BPIFC: variants seen among roughly 807,000 people sequenced by gnomAD.
BPIFC encodes the protein BPI fold containing family C.
BPIFC carries 60 observed loss-of-function variants against 57.6 expected under a neutral mutation model. The observed-to-expected ratio is 1.04, with a 90% CI of 0.85 to 1.29. BPIFC has a LOEUF of 1.29. Ranked by LOEUF, BPIFC falls within the 50% of genes most tolerant of loss-of-function variation. The pLI, the probability that BPIFC is intolerant of heterozygous loss-of-function variation, is 0.00. For missense variants in BPIFC, 581 were observed against 600.5 expected, an observed-to-expected ratio of 0.97 and a Z score of 0.34; for synonymous variants, 243 against 224.5, an observed-to-expected ratio of 1.08 and a Z score of -0.74.
intron 8 of BPIFC, among the ~76,000 whole-genome samples, chr22:32,442,351 G>A (rs1934587764): frequency 6.6e-6 from 1 of 152,188 alleles, no homozygotes; most frequent in South Asian, 2.1e-4. Flanking sequence ...ACCTGGTCAA[G>A]ATCAGTGTTA....
chr22:32,456,226 C>T (rs1425830973), intron 3 of BPIFC, among the ~76,000 whole-genome samples: 1 of 152,274 alleles, frequency 6.6e-6, no homozygotes, highest in Non-Finnish European at 1.5e-5. Flanking sequence ...ACAAGATACA[C>T]ACACATGCAT....
Position 32,419,375 on chromosome 22 carries a change from C to T in BPIFC, c.1247G>A (p.Arg416His), listed in dbSNP as rs1216192317. 3.1e-6 allele frequency: 5 copies of T among 1,613,614 alleles called. No homozygotes were observed. Among genetic ancestry groups the T allele is most frequent in the Admixed American group, 1.7e-5 (1 of 59,982 alleles). The stretch of plus-strand genomic sequence containing the variant: ...TCAGATTCCTACCTCAATGTTGCTG[C>T]GATTGGACTCTGGCAAAGCAAGGCG... Reference protein sequence around the residue: ...RFRLALPESNRSNIEVLRFEN... With the variant: ...RFRLALPESNHSNIEVLRFEN... The change falls in exon 14 of 17, where the codon CGC (arginine) becomes CAC (histidine). Residue 416 changes from arginine to histidine, a missense_variant. By Grantham distance (29) the Arg-to-His change is conservative. Transcript: ENST00000300399.
chr22:32,453,977 G>T (rs1013840704), intron 3 of BPIFC, among the ~76,000 whole-genome samples: 4 of 152,074 alleles, frequency 2.6e-5, no homozygotes, highest in African/African-American at 9.7e-5. Flanking sequence ...TGGGCATAAT[G>T]GTGCATGTCT....
Position 32,437,824 on chromosome 22 carries a change from A to G in BPIFC, c.683T>C (p.Leu228Pro). 6.2e-7 allele frequency: 1 copy of G among 1,612,158 alleles called. No homozygotes were observed. Among genetic ancestry groups the G allele is most frequent in the Non-Finnish European group, 8.5e-7 (1 of 1,178,342 alleles). ...AGAACTGATTAGGGAGTAATCCAGC[A>G]GAGTGTAGTTGTCAATCTTGGTTAA... ...EVLTKIDNYT[L>P]LDYSLISSPE... Residue 228 changes from leucine (L) to proline (P), a missense_variant, in exon 9 of 17, where the codon CTG (leucine) becomes CCG (proline). Physicochemically the swap from Leu to Pro is moderately conservative, Grantham distance 98 (BLOSUM62 -3). Coordinates refer to ENST00000300399, the MANE Select transcript of BPIFC (RefSeq NM_174932.3).
chr22:32,431,439 A>ATTTATTTATTTTATTT, intron 12 of BPIFC, 25 bp from the exon 13 acceptor site: 6 of 1,343,072 alleles, frequency 4.5e-6, no homozygotes, highest in Admixed American at 1.8e-5. Context: ...AGCATTTATT[A>ATTTATTTATTTTATTT]TTAAGACGAG....
intron 8 of BPIFC, among the ~76,000 whole-genome samples, chr22:32,441,043 A>T (rs1934551816): frequency 6.6e-6 from 1 of 152,078 alleles, no homozygotes; most frequent in Admixed American, 6.6e-5. Flanking sequence ...CCTGAAGATC[A>T]AACCATCCCC....
chr22:32,444,759 A>G (rs1275897495), intron 7 of BPIFC, among the ~76,000 whole-genome samples: 1 of 152,198 alleles, frequency 6.6e-6, no homozygotes, highest in African/African-American at 2.4e-5. Context: ...CTATATGTTA[A>G]GATCTAGTTC....
chr22:32,435,948 A>G (rs2145934942), intron 9 of BPIFC, 68 bp from the exon 10 acceptor site: 1 of 1,506,090 alleles, frequency 6.6e-7, no homozygotes, highest in Non-Finnish European at 9.0e-7. Context: ...GACTAAGAAG[A>G]TGGACCCTCT....
rs1393166326 is a variant in BPIFC at position 32,453,492 on chromosome 22, C to T, written c.136G>A (p.Gly46Arg). ...QRALDYGVQAGMKMIEQMLKE... is the reference protein window; with the variant it reads ...QRALDYGVQARMKMIEQMLKE... ...AGCATTTGCTCAATCATCTTCATTC[C>T]AGCTTGAACACCTGTGAAGGAAACA... The change falls in exon 4 of 17, where the codon GGA becomes AGA. Residue 46 changes from glycine (G) to arginine (R), a missense_variant. Transcript: ENST00000300399. 6.3e-7 allele frequency: 1 copy of T among 1,595,538 alleles called. No homozygotes were observed. The highest frequency in any genetic ancestry group is 8.5e-7 in the Non-Finnish European group (1 of 1,174,030).
At chr22:32,427,847 C>T (rs1333906819) in intron 13 of BPIFC, among the ~76,000 whole-genome samples, 3 of 152,156 alleles carry the variant, frequency 2.0e-5, no homozygotes, top group East Asian at 1.9e-4. Flanking sequence ...ATTAGCTGGG[C>T]GTGGTGGCGT....
At chr22:32,447,378 C>T (rs768065196) in intron 4 of BPIFC, 38 bp from the exon 5 acceptor site, 2 of 1,595,564 alleles carry the variant, frequency 1.3e-6, no homozygotes, top group Admixed American at 1.7e-5. Flanking sequence ...GCGACTCTTC[C>T]AGCACATCTC....
chr22:32,431,843 G>A (rs1316398516), intron 12 of BPIFC, among the ~76,000 whole-genome samples: 4 of 152,088 alleles, frequency 2.6e-5, no homozygotes, highest in African/African-American at 9.7e-5. Flanking sequence ...GTAGGTGGTG[G>A]GAAGAGCGTG....
chr22:32,431,117 C>T (rs1934225817), intron 13 of BPIFC, among the ~76,000 whole-genome samples: 1 of 145,322 alleles, frequency 6.9e-6, no homozygotes, highest in South Asian at 2.2e-4. Context: ...GGTTAACGTC[C>T]CTTTTTTTTT....
chr22:32,439,320 C>T (rs966979827), intron 8 of BPIFC, among the ~76,000 whole-genome samples: 7 of 145,260 alleles, frequency 4.8e-5, no homozygotes, highest in Admixed American at 1.3e-4. Flanking sequence ...AGCGAAACTC[C>T]GTCTAAAAAA....
chr22:32,419,457 A>G (rs1171613376), intron 13 of BPIFC, 53 bp from the exon 14 acceptor site: 1 of 1,477,418 alleles, frequency 6.8e-7, no homozygotes, highest in Non-Finnish European at 9.4e-7. Context: ...GCCTTAGTAG[A>G]AAGAAACCAA....
At chr22:32,420,317 C>CA (rs1051940782) in intron 13 of BPIFC, among the ~76,000 whole-genome samples, 9,048 of 85,294 alleles carry the variant, frequency 0.11, 690 homozygotes, top group East Asian at 0.5. Context: ...GACTCCGTCT[C>CA]AAAAAAAAAA....
intron 14 of BPIFC, among the ~76,000 whole-genome samples, 180 bp downstream of exon 14, chr22:32,419,182 C>T (rs547301539): frequency 2.6e-4 from 39 of 152,206 alleles, no homozygotes; most frequent in African/African-American, 9.2e-4. Context: ...GAGTTCCTCT[C>T]GTGAATGGTT....
chr22:32,451,930 G>T (rs1934906140), intron 4 of BPIFC, among the ~76,000 whole-genome samples: 2 of 152,028 alleles, frequency 1.3e-5, no homozygotes, highest in South Asian at 2.1e-4. Flanking sequence ...TTGAGACAGG[G>T]TCTCACTTTG....
In BPIFC at chr22:32,453,410, A is replaced by C; in HGVS notation, c.218T>G (p.Val73Gly). The C allele has an allele frequency of 6.3e-7, 1 of 1,593,310 alleles. No individual in the cohort carries two copies. The highest frequency in any genetic ancestry group is 8.5e-7 in the Non-Finnish European group (1 of 1,174,478). The change falls in exon 4 of 17, where the codon GTT (valine) becomes GGT (glycine). Residue 73 changes from valine (V) to glycine (G), a missense_variant. Transcript: ENST00000300399. The part of the protein sequence containing the change: ...SGSESLEFLK[V>G]DYVNYNFSNI... ...TGAAAAATTGTAGTTTACATAATCA[A>C]CTTTTAGAAATTCAAGAGACTCAGA...
Sources: allele counts gnomAD v4.1 joint callset (sites outside exome capture counted in the v4.1 genomes callset), GRCh38; gene constraint gnomAD v4.1.1; transcripts MANE v1.5; gene names NCBI Gene and HGNC (gene_info 2026-07-23, HGNC 2026-07-21).